The following ADAP1 variants were observed in gnomAD, a reference collection of about 807,000 sequenced individuals.
ADAP1 encodes the protein arf-GAP with dual PH domain-containing protein 1.
ADAP1 carries 31 observed loss-of-function variants against 54.9 expected under a neutral mutation model. That is an observed-to-expected ratio of 0.56 (90% CI 0.42 to 0.76). The LOEUF (loss-of-function observed/expected upper bound fraction) is 0.76. ADAP1 is among the 30% of genes least tolerant of loss of function. ADAP1 has a pLI of 0.00. For missense variants in ADAP1, 535 were observed against 512.4 expected (o/e 1.04, Z -0.42); for synonymous variants, 313 against 202.6 (o/e 1.55, Z -4.63).
intron 5 of ADAP1, 103 bp downstream of exon 5, chr7:904,957 G>A (rs964916586): frequency 8.0e-6 from 8 of 1,001,574 alleles, no homozygotes; most frequent in African/African-American, 1.6e-5. Flanking sequence ...GGGGGCAGCA[G>A]GGAGGGCAGC....
At chr7:941,232 C>T (rs903431299) in intron 1 of ADAP1, among the ~76,000 whole-genome samples, 13 of 152,134 alleles carry the variant, frequency 8.5e-5, no homozygotes, top group African/African-American at 2.9e-4. Context: ...TGACTGCTTT[C>T]CCCCAAGATC....
chr7:926,476 C>T lies in ADAP1; in HGVS notation c.305+77G>A, dbSNP rs1846393123. 1 of 1,331,246 alleles carries T rather than the reference C, an allele frequency of 7.5e-7. No individual in the cohort carries two copies. The highest frequency in any genetic ancestry group is 1.6e-5 in the African/African-American group (1 of 63,632). 82.5% of individuals were successfully genotyped at this position (1,331,246 alleles called of 1,614,324 possible). ...TGTGGGCGGCACCCAACTCCCCACC[C>T]TGCCGGGTCCTCCCGGGGCCATCTC... On this transcript the variant is annotated intron_variant, in intron 3 of 10. Transcript: ENST00000265846. This position sits in a 1 kb window ranked among gnomAD's most constrained non-coding sequence, Gnocchi z 4.6.
chr7:919,820 T>TGGGGGAGGGAGGGAGGGAGATG, intron 4 of ADAP1, 148 bp downstream of exon 4: 1 of 60,014 alleles, frequency 1.7e-5, no homozygotes, highest in African/African-American at 5.3e-4. Flanking sequence ...GGGAGGGAGA[T>TGGGGGAGGGAGGGAGGGAGATG]GGGGGAGGGA....
At chr7:927,773 C>T (rs188801778) in intron 2 of ADAP1, among the ~76,000 whole-genome samples, 1 of 152,216 alleles carries the variant, frequency 6.6e-6, no homozygotes, top group East Asian at 1.9e-4. Flanking sequence ...GGCGTGTGCT[C>T]CCGAGGACGA....
At chr7:900,825 T>C in intron 6 of ADAP1, 1 of 642,342 alleles carries the variant, frequency 1.6e-6, no homozygotes, top group East Asian at 2.9e-5. Flanking sequence ...GCTGCCCCTC[T>C]GCGGGAGGGC....
intron 4 of ADAP1, among the ~76,000 whole-genome samples, chr7:910,101 G>T (rs930656648): frequency 6.6e-6 from 1 of 152,196 alleles, no homozygotes; most frequent in Non-Finnish European, 1.5e-5. Flanking sequence ...GGGCGGGGAC[G>T]CCGGCCCTTC....
intron 1 of ADAP1, among the ~76,000 whole-genome samples, chr7:941,993 C>G (rs1290157963): frequency 6.6e-6 from 1 of 152,218 alleles, no homozygotes; most frequent in African/African-American, 2.4e-5. Flanking sequence ...AATAAACCCA[C>G]ACATATGTGG....
chr7:905,241 G>GA, intron 4 of ADAP1, 69 bp from the exon 5 acceptor site: 1 of 1,192,656 alleles, frequency 8.4e-7, no homozygotes, highest in Non-Finnish European at 1.2e-6. Flanking sequence ...AGTGACGATG[G>GA]ACAGGACAGA....
chr7:902,787 C>T (rs1380264289), intron 6 of ADAP1, among the ~76,000 whole-genome samples: 2 of 152,164 alleles, frequency 1.3e-5, no homozygotes, highest in African/African-American at 4.8e-5. Context: ...GGACCCTTGC[C>T]AACACACGCA....
Position 918,116 on chromosome 7 carries a change from C to T in ADAP1, c.388+1852G>A, listed in dbSNP as rs1401201161. Among the ~76,000 whole-genome samples, 5 of 152,136 alleles carry T rather than the reference C, an allele frequency of 3.3e-5. No individual in the cohort carries two copies. In the South Asian group the frequency reaches 8.3e-4, roughly 25 times the overall value. On this transcript the variant is annotated intron_variant, in intron 4 of 10. Coordinates refer to ENST00000265846, the MANE Select transcript of ADAP1 (RefSeq NM_006869.4). ...CTAATTTTTGTATTTTTAGTAGAGA[C>T]GGGGTTTCACCATGTTGGCCAGGCT...
chr7:905,320 G>GACGGAC, intron 4 of ADAP1, 148 bp from the exon 5 acceptor site: 1 of 540,602 alleles, frequency 1.8e-6, no homozygotes, highest in South Asian at 1.9e-5. Context: ...GACGGGGAGA[G>GACGGAC]GGGACATGGA....
chr7:931,956 G>C (rs1846595102), intron 2 of ADAP1, among the ~76,000 whole-genome samples: 1 of 152,150 alleles, frequency 6.6e-6, no homozygotes, highest in African/African-American at 2.4e-5. Context: ...AATGGCCAAG[G>C]GGCCTGAGTG....
chr7:900,896 G>C, intron 6 of ADAP1: 1 of 583,196 alleles, frequency 1.7e-6, no homozygotes, highest in South Asian at 1.5e-5. Context: ...GCCGGGCCGG[G>C]CCGGGCTGGA....
chr7:933,466 G>C (rs903251401), intron 2 of ADAP1, among the ~76,000 whole-genome samples: 1 of 49,836 alleles, frequency 2.0e-5, no homozygotes, highest in African/African-American at 4.2e-5. Context: ...CCAGGGGCAG[G>C]GGTCAGTGGT....
rs1166877367 is a variant in ADAP1 at position 920,041 on chromosome 7, T to C, written c.315A>G (p.Arg105=). The change falls in exon 4 of 11, where the codon CGA becomes CGG. Residue 105 remains arginine (R), a synonymous_variant. Transcript: ENST00000265846. This position sits in a 1 kb window ranked among gnomAD's most constrained non-coding sequence, Gnocchi z 4.5. Reference sequence around the variant, plus strand: ...CGTACTTGGCCCGGATCCACTGCTCTCGAAGGAGCCTGTGGGGAGAGGAGA... The same window carrying C: ...CGTACTTGGCCCGGATCCACTGCTCCCGAAGGAGCCTGTGGGGAGAGGAGA... The part of the protein sequence containing the change: ...RPTPSDCQLL[R]EQWIRAKYER... 8 of 1,606,048 alleles carry C rather than the reference T, an allele frequency of 5.0e-6. No homozygotes were observed. In the Admixed American group the frequency reaches 1.3e-4, roughly 27 times the overall value.
intron 7 of ADAP1, 25 bp from the exon 8 acceptor site, chr7:900,189 G>A (rs1391489167): frequency 1.2e-6 from 2 of 1,612,630 alleles, no homozygotes; most frequent in African/African-American, 2.7e-5. Flanking sequence ...ACCAGGCAGG[G>A]GACCTCAGAA....
chr7:912,682 T>C (rs1174737415), intron 4 of ADAP1, among the ~76,000 whole-genome samples: 4 of 152,308 alleles, frequency 2.6e-5, no homozygotes, highest in Admixed American at 2.6e-4. Context: ...TCGAGAGGTG[T>C]TTCCGCTTCC....
intron 2 of ADAP1, among the ~76,000 whole-genome samples, chr7:931,385 G>A (rs12669649): frequency 0.067 from 10,255 of 152,276 alleles, 437 homozygotes; most frequent in East Asian, 0.18. Flanking sequence ...CACAAGGCAT[G>A]TTCTCCGGCC....
At chr7:904,895 C>CACAGAGGCTCAGCCCA (rs929592717) in intron 5 of ADAP1, among the ~76,000 whole-genome samples, 165 bp downstream of exon 5, 1 of 152,234 alleles carries the variant, frequency 6.6e-6, no homozygotes, top group Non-Finnish European at 1.5e-5. Flanking sequence ...GGGTCCGGCA[C>CACAGAGGCTCAGCCCA]ACAGAGGCTC....
Sources: gnomAD v4.1 joint callset for allele counts (sites outside exome capture counted in the v4.1 genomes callset) on GRCh38, gnomAD v4.1.1 for gene constraint, Gnocchi (gnomAD v3.1) non-coding constraint, MANE v1.5 for transcripts, NCBI Gene and HGNC (gene_info 2026-07-23, HGNC 2026-07-21) for gene names.